Variants in RAPGEF4 observed in about 807,000 individuals in gnomAD.
The protein encoded by RAPGEF4 is Rap guanine nucleotide exchange factor 4, also known as RAP guanine-nucleotide-exchange factor (GEF) 4.
A neutral mutation model predicts 147.9 loss-of-function variants in RAPGEF4; 66 were observed. The ratio of observed to expected loss-of-function variants is 0.45; its 90% CI spans 0.37 to 0.55. The LOEUF (loss-of-function observed/expected upper bound fraction) is 0.55. Among genes scored for constraint, RAPGEF4 ranks in the 20% least tolerant of loss-of-function variants. RAPGEF4 has a pLI of 0.00. For missense variants in RAPGEF4, 1,071 were observed against 1,257.3 expected (o/e 0.85, Z 2.24); for synonymous variants, 419 against 442.7 (o/e 0.95, Z 0.67).
intron 10 of RAPGEF4, among the ~76,000 whole-genome samples, chr2:172,972,593 C>T (rs1248261193): frequency 1.3e-5 from 2 of 152,178 alleles, no homozygotes; most frequent in Non-Finnish European, 2.9e-5. Context: ...TAGAATTTAC[C>T]TGAATAAATG....
At chr2:172,754,976 G>C (rs906965564) in intron 1 of RAPGEF4, among the ~76,000 whole-genome samples, 2 of 152,116 alleles carry the variant, frequency 1.3e-5, no homozygotes, top group African/African-American at 4.8e-5. Context: ...CCAGGATGCA[G>C]AGTTTGCAGT....
At chr2:172,927,585 G>A (rs1320967876) in intron 6 of RAPGEF4, among the ~76,000 whole-genome samples, 1 of 151,970 alleles carries the variant, frequency 6.6e-6, no homozygotes, top group Non-Finnish European at 1.5e-5. Context: ...CAGTGAGCCA[G>A]GATCGTACCA....
intron 6 of RAPGEF4, among the ~76,000 whole-genome samples, chr2:172,946,864 G>C (rs1180228356): frequency 6.6e-6 from 1 of 152,216 alleles, no homozygotes; most frequent in Non-Finnish European, 1.5e-5. Context: ...TGATTTATCA[G>C]TGCTGACACT....
intron 1 of RAPGEF4, among the ~76,000 whole-genome samples, chr2:172,763,212 C>A (rs1181099557): frequency 6.6e-6 from 1 of 152,166 alleles, no homozygotes; most frequent in Non-Finnish European, 1.5e-5. Context: ...ATCATTTTAT[C>A]ATACAGCCAC....
At chr2:172,971,234 A>T (rs888282499) in intron 10 of RAPGEF4, among the ~76,000 whole-genome samples, 1 of 152,216 alleles carries the variant, frequency 6.6e-6, no homozygotes, top group Non-Finnish European at 1.5e-5. Context: ...AGGAGACAGG[A>T]CGCTCTGCTG....
chr2:172,852,759 T>C (rs1692996983), intron 4 of RAPGEF4, among the ~76,000 whole-genome samples: 1 of 152,154 alleles, frequency 6.6e-6, no homozygotes, highest in Non-Finnish European at 1.5e-5. Flanking sequence ...TAAATATTAT[T>C]TTTAACTGTA....
intron 10 of RAPGEF4, among the ~76,000 whole-genome samples, chr2:172,969,401 G>A (rs1420114263): frequency 6.6e-6 from 1 of 152,254 alleles, no homozygotes; most frequent in Non-Finnish European, 1.5e-5. Context: ...GGAAGATGTA[G>A]TGTGTGTTGG....
rs746945007 is a variant in RAPGEF4, at chr2:173,033,983, T to A, written c.2700+19T>A. ...TTTAATGGTAAGTGACAGTGGCTTCTTTATTCTGTTCACTGTCTACATTAA... is the reference window on the plus strand; with the variant it reads ...TTTAATGGTAAGTGACAGTGGCTTCATTATTCTGTTCACTGTCTACATTAA... On this transcript the variant is annotated intron_variant, in intron 27 of 30. Coordinates refer to ENST00000397081, the MANE Select transcript of RAPGEF4 (RefSeq NM_007023.4). 2.5e-6 allele frequency: 4 copies of A among 1,604,134 alleles called. No homozygotes were observed. In the Admixed American group the frequency reaches 6.9e-5, roughly 28 times the overall value.
Position 172,819,461 on chromosome 2 carries a change from C to CTTTTTTTTTTTTTTT in RAPGEF4, c.444+5044_444+5058dup, listed in dbSNP as rs1242605865. On this transcript the variant is annotated intron_variant, in intron 4 of 30. Transcript: ENST00000397081. Reference sequence around the variant, plus strand: ...AAGTCTTAGAATACCATTTTTAGTTCTTTTTTTTTTTTTTTTTTTTTTGAG... The same window carrying CTTTTTTTTTTTTTTT: ...AAGTCTTAGAATACCATTTTTAGTTCTTTTTTTTTTTTTTTTTTTTTTTTTTTTTTTTTTTTTGAG... 1.1e-4 allele frequency among the ~76,000 whole-genome samples: 10 copies of CTTTTTTTTTTTTTTT among 87,014 alleles called. 2 individuals are homozygous for CTTTTTTTTTTTTTTT. The highest frequency in any genetic ancestry group is 1.9e-4 in the Non-Finnish European group (9 of 48,440). 57.1% of individuals were successfully genotyped at this position (87,014 alleles called of 152,430 possible). A position where few individuals can be genotyped will look rare whatever the true frequency, so the allele number is the denominator to read the frequency against.
intron 4 of RAPGEF4, among the ~76,000 whole-genome samples, chr2:172,819,566 C>T (rs374236221): frequency 0.014 from 1,988 of 142,396 alleles, 53 homozygotes; most frequent in African/African-American, 0.05. Flanking sequence ...CCCGGGTTCA[C>T]GCCATTCTCC....
rs375068668 is a variant in RAPGEF4 at position 172,785,420 on chromosome 2, G to A, written c.66-9605G>A. Among the ~76,000 whole-genome samples the A allele has an allele frequency of 5.7e-4, 87 of 152,256 alleles. No homozygotes were observed. The South Asian group carries it at 0.018, about 32-fold the overall frequency. On this transcript the variant is annotated intron_variant, in intron 1 of 30. Transcript: ENST00000397081. ...GTGGCTAATAATGATGATGACGACGGTGGTACTAGAAATACCTTCTGTAGC... is the reference window on the plus strand; with the variant it reads ...GTGGCTAATAATGATGATGACGACGATGGTACTAGAAATACCTTCTGTAGC...
At chr2:172,994,077 T>C (rs1361411712) in intron 15 of RAPGEF4, among the ~76,000 whole-genome samples, 18 of 152,196 alleles carry the variant, frequency 1.2e-4, no homozygotes, top group Admixed American at 1.2e-3. Flanking sequence ...ATTAAACTTT[T>C]GACAAGGGGA....
At chr2:172,874,817 C>T (rs891509089) in intron 4 of RAPGEF4, among the ~76,000 whole-genome samples, 8 of 152,222 alleles carry the variant, frequency 5.3e-5, no homozygotes, top group African/African-American at 1.9e-4. Flanking sequence ...CCTGAGGAAT[C>T]ACCACACTGT....
At chr2:172,982,812 T>C (rs41414646) in intron 10 of RAPGEF4, among the ~76,000 whole-genome samples, 11,169 of 152,228 alleles carry the variant, frequency 0.073, 606 homozygotes, top group South Asian at 0.16. Context: ...CATAAACTGA[T>C]TAATATCTGG....
rs1028381483 is a variant in RAPGEF4, at chr2:172,961,333, G to A, written c.698+105G>A. The A allele has an allele frequency of 7.9e-5, 69 of 868,450 alleles. No homozygotes were observed. The African/African-American group carries it at 1.1e-3, about 13-fold the overall frequency. The allele number at this position is 868,450 out of a possible 1,614,324, so 53.8% of individuals were successfully genotyped here. On this transcript the variant is annotated intron_variant, in intron 8 of 30. Coordinates refer to ENST00000397081, the MANE Select transcript of RAPGEF4 (RefSeq NM_007023.4). Reference sequence around the variant, plus strand: ...TTTCCATGTGGGCGCAGCCCATTTTGTAATGCCTTCAGGTTCTGGAAGGTT... The same window carrying A: ...TTTCCATGTGGGCGCAGCCCATTTTATAATGCCTTCAGGTTCTGGAAGGTT...
At chr2:172,793,261 A>G (rs1278107734) in intron 1 of RAPGEF4, among the ~76,000 whole-genome samples, 2 of 152,094 alleles carry the variant, frequency 1.3e-5, no homozygotes, top group Non-Finnish European at 2.9e-5. Context: ...GTGTGACCTC[A>G]TCTTAATTTG....
intron 4 of RAPGEF4, among the ~76,000 whole-genome samples, chr2:172,912,110 T>A (rs1452489416): frequency 6.6e-6 from 1 of 152,184 alleles, no homozygotes. Context: ...CTGAATCATG[T>A]TCTCTTTTCA....
chr2:172,977,399 A>G (rs1005609610), intron 10 of RAPGEF4, among the ~76,000 whole-genome samples: 1 of 151,948 alleles, frequency 6.6e-6, no homozygotes, highest in Non-Finnish European at 1.5e-5. Context: ...GTGGTGGGGA[A>G]CGCTCAGTTT....
In RAPGEF4 at chr2:173,035,866, ATCATCATAAAGGTCT is replaced by A. The variant is rs200268055; in HGVS notation, c.2701-253_2701-239del. 1.2e-4 allele frequency among the ~76,000 whole-genome samples: 19 copies of A among 152,348 alleles called. No homozygotes were observed. In the East Asian group the frequency reaches 1.3e-3, roughly 11 times the overall value. ...CTGACTGTTCATTAAAGGGAAGTGT[ATCATCATAAAGGTCT>A]TCATCCTTGTCCTCTTCTTGTTGAG... On this transcript the variant is annotated intron_variant, in intron 27 of 30. Transcript: ENST00000397081.
Sources: allele counts gnomAD v4.1 joint callset (sites outside exome capture counted in the v4.1 genomes callset), GRCh38; gene constraint gnomAD v4.1.1; transcripts MANE v1.5; gene names NCBI Gene and HGNC (gene_info 2026-07-23, HGNC 2026-07-21).